ANO5: variants seen among roughly 807,000 people sequenced by gnomAD.
The protein encoded by ANO5 is anoctamin-5.
ANO5 carries 109 observed loss-of-function variants against 121.0 expected under a neutral mutation model. The ratio of observed to expected loss-of-function variants is 0.90; its 90% CI spans 0.77 to 1.06. ANO5 has a LOEUF of 1.06. Ranked by LOEUF, ANO5 falls within the 50% of genes least tolerant of loss-of-function variation. ANO5 has a pLI of 0.00. For missense variants in ANO5, 1,064 were observed against 1,078.5 expected (o/e 0.99, Z 0.19); for synonymous variants, 406 against 359.9 (o/e 1.13, Z -1.45).
chr11:22,249,214 G>T (rs992897271), intron 9 of ANO5, among the ~76,000 whole-genome samples: 1 of 151,950 alleles, frequency 6.6e-6, no homozygotes, highest in Non-Finnish European at 1.5e-5. Context: ...GAAATATGAA[G>T]AATGGGATGT....
At chr11:22,255,671 A>T in intron 13 of ANO5, 149 bp downstream of exon 13, 1 of 805,898 alleles carries the variant, frequency 1.2e-6, no homozygotes, top group Non-Finnish European at 1.9e-6. Context: ...TAATATACAT[A>T]CATGTATATA....
At chr11:22,265,531 C>T (rs1444655708) in intron 17 of ANO5, among the ~76,000 whole-genome samples, 1 of 151,932 alleles carries the variant, frequency 6.6e-6, no homozygotes, top group Non-Finnish European at 1.5e-5. Flanking sequence ...TTTGTTAGCT[C>T]CAAACAAATG....
chr11:22,227,306 C>A lies in ANO5; in HGVS notation c.368C>A (p.Ser123Ter). The change falls in exon 7 of 22, where the codon TCG becomes TAG. Residue 123 changes from serine to a stop codon, truncating the protein, a stop_gained. Coordinates refer to ENST00000324559, the MANE Select transcript of ANO5 (RefSeq NM_213599.3). LOFTEE classifies it high-confidence loss of function. Reference sequence around the variant, plus strand: ...TTTGCCTTTTTTTTAATGCAGGACTCGGAAGATGGAAGAACTTATTTTGTC... The same window carrying A: ...TTTGCCTTTTTTTTAATGCAGGACTAGGAAGATGGAAGAACTTATTTTGTC... ...LELEIEDKRDSEDGRTYFVKI... is the reference protein window; with the variant it reads ...LELEIEDKRD The A allele has an allele frequency of 6.2e-7, 1 of 1,612,644 alleles. No homozygotes were observed. Among genetic ancestry groups the A allele is most frequent in the Non-Finnish European group, 8.5e-7 (1 of 1,179,502 alleles).
In ANO5 at chr11:22,221,315, G is replaced by A. The variant is rs1024361520; in HGVS notation, c.294+105G>A. On this transcript the variant is annotated intron_variant, in intron 5 of 21. Transcript: ENST00000324559. ...TGTTGTAAAAGTGAGAGGCCCTGAA[G>A]TGTTACTGAAAACTGAAACTGAATG... 1.7e-5 allele frequency: 17 copies of A among 1,001,764 alleles called. No homozygotes were observed. The African/African-American group carries it at 2.6e-4, about 15-fold the overall frequency. 62.1% of individuals were successfully genotyped at this position (1,001,764 alleles called of 1,614,324 possible).
intron 13 of ANO5, among the ~76,000 whole-genome samples, chr11:22,256,020 A>G (rs1444810261): frequency 2.0e-5 from 3 of 152,188 alleles, no homozygotes; most frequent in Non-Finnish European, 4.4e-5. Flanking sequence ...TTATTAGACT[A>G]ACTTTTCTTC....
Position 22,225,945 on chromosome 11 carries a change from A to G in ANO5, c.295-39A>G, listed in dbSNP as rs1852812985. ...GTCAATACTGAGCAAATAAAACAAA[A>G]GCATTCTGCATAATTCTGTTGATTT... On this transcript the variant is annotated intron_variant, in intron 5 of 21. Coordinates refer to ENST00000324559, the MANE Select transcript of ANO5 (RefSeq NM_213599.3). 10 of 1,490,892 alleles carry G rather than the reference A, an allele frequency of 6.7e-6. No individual in the cohort carries two copies. The East Asian group carries it at 2.3e-4, about 34-fold the overall frequency. The allele number at this position is 1,490,892 out of a possible 1,614,324, so 92.4% of individuals were successfully genotyped here.
intron 5 of ANO5, 39 bp downstream of exon 5, chr11:22,221,249 A>G (rs777684656): frequency 6.8e-7 from 1 of 1,473,366 alleles, no homozygotes; most frequent in South Asian, 1.1e-5. Context: ...AATAAAAAGA[A>G]GCACATTTTA....
rs116978936 is a variant in ANO5 at position 22,234,490 on chromosome 11, C to T, written c.649-1673C>T. On this transcript the variant is annotated intron_variant, in intron 7 of 21. Coordinates refer to ENST00000324559, the MANE Select transcript of ANO5 (RefSeq NM_213599.3). ...AGCAGAATTAATGTTGCTCTGACAG[C>T]GGCGCTTTTCAAACTGATGTGTCCT... Among the ~76,000 whole-genome samples the T allele has an allele frequency of 1.1e-3, 167 of 152,186 alleles. No individual in the cohort carries two copies. The East Asian group carries it at 0.02, about 18-fold the overall frequency.
At position 22,227,302 on chromosome 11, in the gene ANO5, G is replaced by A. The variant is rs747631931; in HGVS notation, c.364G>A (p.Asp122Asn). ...GLELEIEDKR[D>N]SEDGRTYFVK... is the part of the protein sequence containing the mutation. ...CTGTTTTGCCTTTTTTTTAATGCAG[G>A]ACTCGGAAGATGGAAGAACTTATTT... Residue 122 changes from aspartate (D) to asparagine (N), a missense_variant and splice_region_variant, in exon 7 of 22, where the codon GAC becomes AAC. Physicochemically the swap from Asp to Asn is conservative, Grantham distance 23. Coordinates refer to ENST00000324559, the MANE Select transcript of ANO5 (RefSeq NM_213599.3). 5 of 1,612,896 alleles carry A rather than the reference G, an allele frequency of 3.1e-6. No homozygotes were observed. Among genetic ancestry groups the A allele is most frequent in the Non-Finnish European group, 4.2e-6 (5 of 1,179,592 alleles).
chr11:22,222,176 C>T (rs937456761), intron 5 of ANO5, among the ~76,000 whole-genome samples: 22 of 151,974 alleles, frequency 1.4e-4, no homozygotes, highest in African/African-American at 5.3e-4. Context: ...TTCTCCTTCA[C>T]TTGTCCCTGA....
intron 5 of ANO5, among the ~76,000 whole-genome samples, chr11:22,221,660 C>T (rs1054508246): frequency 1.3e-5 from 2 of 151,736 alleles, no homozygotes; most frequent in African/African-American, 4.8e-5. Context: ...CATGTTTTTA[C>T]TTGTTTGCTG....
Position 22,199,349 on chromosome 11 carries a change from C to T in ANO5, c.41-4455C>T, listed in dbSNP as rs566865923. On this transcript the variant is annotated intron_variant, in intron 1 of 21. Transcript: ENST00000324559. ...TATGAGATAGACATACCACTTATGA[C>T]AGCTGAGAGCTTTGAATTTATGTCA... Among the ~76,000 whole-genome samples, 335 of 152,246 alleles carry T rather than the reference C, an allele frequency of 2.2e-3. 1 individual carries two copies. Among genetic ancestry groups the T allele is most frequent in the African/African-American group, 7.6e-3 (317 of 41,568 alleles).
intron 17 of ANO5, among the ~76,000 whole-genome samples, chr11:22,263,701 G>C (rs568651311): frequency 1.3e-5 from 2 of 152,168 alleles, no homozygotes; most frequent in Non-Finnish European, 2.9e-5. Flanking sequence ...AGGGCTCCTA[G>C]TTAGGAAATG....
intron 19 of ANO5, among the ~76,000 whole-genome samples, chr11:22,274,359 T>G (rs1450995248): frequency 6.6e-6 from 1 of 152,172 alleles, no homozygotes; most frequent in Non-Finnish European, 1.5e-5. Flanking sequence ...TTAGCCACTT[T>G]GTAGCTATGA....
intron 7 of ANO5, among the ~76,000 whole-genome samples, chr11:22,234,509 G>A (rs532827311): frequency 1.3e-5 from 2 of 152,188 alleles, no homozygotes; most frequent in South Asian, 4.1e-4. Flanking sequence ...TCAAACTGAT[G>A]TGTCCTTCTT....
At chr11:22,213,427 T>C (rs145009161) in intron 3 of ANO5, among the ~76,000 whole-genome samples, 2 of 150,548 alleles carry the variant, frequency 1.3e-5, no homozygotes, top group Admixed American at 1.3e-4. Context: ...TGTCCTTAAA[T>C]TGGGACTTTC....
At chr11:22,252,250 AGTT>A (rs1474076311) in intron 12 of ANO5, among the ~76,000 whole-genome samples, 2 of 152,074 alleles carry the variant, frequency 1.3e-5, no homozygotes, top group African/African-American at 2.4e-5. Flanking sequence ...AGTTTTTGTA[AGTT>A]GTTGTATATA....
chr11:22,253,534 A>G (rs1178075219), intron 12 of ANO5, among the ~76,000 whole-genome samples: 2 of 152,152 alleles, frequency 1.3e-5, no homozygotes, highest in African/African-American at 4.8e-5. Context: ...TTGTAGTATA[A>G]ACAAACAAGC....
At chr11:22,208,261 C>T (rs1194741328) in intron 2 of ANO5, among the ~76,000 whole-genome samples, 5 of 151,990 alleles carry the variant, frequency 3.3e-5, no homozygotes, top group East Asian at 3.9e-4. Flanking sequence ...TTGTAGTAGC[C>T]GAAAGTGGAA....
Sources: allele counts gnomAD v4.1 joint callset (sites outside exome capture counted in the v4.1 genomes callset), GRCh38; gene constraint gnomAD v4.1.1; transcripts MANE v1.5; gene names NCBI Gene and HGNC (gene_info 2026-07-23, HGNC 2026-07-21).